The following EFCAB13 variants were observed in gnomAD, a reference collection of about 807,000 sequenced individuals.
EFCAB13 encodes EF-hand calcium binding domain 13.
Under a neutral mutation model 110.2 loss-of-function variants are expected in EFCAB13, and 91 were observed. The ratio of observed to expected loss-of-function variants is 0.83; its 90% confidence interval spans 0.70 to 0.98. EFCAB13 has a LOEUF of 0.98. EFCAB13 is among the 50% of genes least tolerant of loss of function. The pLI, the probability that EFCAB13 is intolerant of heterozygous loss-of-function variation, is 0.00. For missense variants in EFCAB13, 968 were observed against 1,119.4 expected, an observed-to-expected ratio of 0.86 and a Z score of 1.93; for synonymous variants, 323 against 369.9, an observed-to-expected ratio of 0.87 and a Z score of 1.45.
intron 1 of EFCAB13, 145 bp from the exon 2 acceptor site, chr17:47,324,309 G>C (rs1598711068): frequency 6.5e-6 from 1 of 152,984 alleles, no homozygotes. Flanking sequence ...CTCAGAAATG[G>C]TGGTTGTTGT....
intron 5 of EFCAB13, chr17:47,339,796 AAAG>A (rs1461311426): frequency 1.3e-5 from 2 of 152,170 alleles, no homozygotes; most frequent in South Asian, 2.1e-4. Context: ...TGTTGATTAA[AAAG>A]AAGTTCAGCT....
intron 23 of EFCAB13, among the ~76,000 whole-genome samples, chr17:47,420,339 C>CCT (rs1420186092): frequency 2.0e-5 from 3 of 152,292 alleles, no homozygotes; most frequent in Non-Finnish European, 4.4e-5. Context: ...TCCCAAAGTG[C>CCT]CGAGATTGCA....
intron 23 of EFCAB13, among the ~76,000 whole-genome samples, chr17:47,421,424 A>C (rs1904703203): frequency 6.6e-6 from 1 of 152,016 alleles, no homozygotes; most frequent in South Asian, 2.1e-4. Flanking sequence ...AGATGCTTGA[A>C]GGCAGCATGC....
At chr17:47,425,398 CTG>C (rs1436600050) in intron 23 of EFCAB13, among the ~76,000 whole-genome samples, 1 of 152,156 alleles carries the variant, frequency 6.6e-6, no homozygotes, top group African/African-American at 2.4e-5. Flanking sequence ...TCCTCTCACT[CTG>C]TGTGTGATGA....
Position 47,404,008 on chromosome 17 carries a change from A to C in EFCAB13, c.2148A>C (p.Ser716=), listed in dbSNP as rs1022771512. 6.3e-7 allele frequency: 1 copy of C among 1,591,200 alleles called. No individual in the cohort carries two copies. Among genetic ancestry groups the C allele is most frequent in the African/African-American group, 1.4e-5 (1 of 73,430 alleles). ...AAGAGGTAGAGAAAATTCTTCAATCAGATTTTGTTTCTGGTAAGCATTTTA... is the reference window on the plus strand; with the variant it reads ...AAGAGGTAGAGAAAATTCTTCAATCCGATTTTGTTTCTGGTAAGCATTTTA... The part of the protein sequence containing the change: ...PKEEVEKILQ[S]DFVSEDNMVN... Residue 716 remains serine (S), a synonymous_variant, in exon 19 of 25, where the codon TCA becomes TCC. Transcript: ENST00000331493.
intron 3 of EFCAB13, 152 bp from the exon 4 acceptor site, chr17:47,328,117 T>G (rs1273233166): frequency 2.0e-6 from 1 of 499,564 alleles, no homozygotes. Flanking sequence ...AACTGCTTTT[T>G]CTAGTGTTTG....
At chr17:47,346,993 T>C (rs1207753108) in intron 8 of EFCAB13, among the ~76,000 whole-genome samples, 1 of 152,228 alleles carries the variant, frequency 6.6e-6, no homozygotes, top group Non-Finnish European at 1.5e-5. Flanking sequence ...GTGAGGTGGC[T>C]CATGCCTGTA....
intron 11 of EFCAB13, among the ~76,000 whole-genome samples, chr17:47,373,762 A>C (rs2065598372): frequency 6.6e-6 from 1 of 152,198 alleles, no homozygotes; most frequent in South Asian, 2.1e-4. Context: ...TTCAATTGTT[A>C]ATTCTCATAG....
intron 14 of EFCAB13, among the ~76,000 whole-genome samples, chr17:47,385,049 G>T (rs1406353235): frequency 6.6e-6 from 1 of 152,188 alleles, no homozygotes; most frequent in Non-Finnish European, 1.5e-5. Flanking sequence ...GGAATTACAG[G>T]CGTGAGCCAC....
intron 17 of EFCAB13, among the ~76,000 whole-genome samples, chr17:47,397,849 A>G (rs1184993661): frequency 2.8e-5 from 4 of 143,776 alleles, no homozygotes; most frequent in Non-Finnish European, 6.1e-5. Context: ...GAGCCCCTCC[A>G]CCCGGCAGTC....
At chr17:47,336,437 G>C (rs1471087560) in intron 5 of EFCAB13, among the ~76,000 whole-genome samples, 1 of 151,778 alleles carries the variant, frequency 6.6e-6, no homozygotes, top group African/African-American at 2.4e-5. Context: ...GATTATAGGC[G>C]ACCACCACCA....
At chr17:47,337,663 G>A (rs1195103389) in intron 5 of EFCAB13, among the ~76,000 whole-genome samples, 3 of 152,120 alleles carry the variant, frequency 2.0e-5, no homozygotes, top group Non-Finnish European at 4.4e-5. Flanking sequence ...TTAGGCCCAG[G>A]TTGAGGACTG....
At chr17:47,359,017 A>G (rs2065495516) in intron 9 of EFCAB13, among the ~76,000 whole-genome samples, 1 of 152,130 alleles carries the variant, frequency 6.6e-6, no homozygotes, top group Non-Finnish European at 1.5e-5. Context: ...TTCCTCTGCT[A>G]TTTTTGTTCA....
At chr17:47,350,861 C>T (rs2065445725) in intron 9 of EFCAB13, among the ~76,000 whole-genome samples, 1 of 152,062 alleles carries the variant, frequency 6.6e-6, no homozygotes, top group Non-Finnish European at 1.5e-5. Context: ...TTCTTCTCTT[C>T]CTCCATTAGG....
chr17:47,366,394 C>T (rs2065546342), intron 10 of EFCAB13, among the ~76,000 whole-genome samples: 1 of 151,016 alleles, frequency 6.6e-6, no homozygotes, highest in African/African-American at 2.4e-5. Flanking sequence ...GCAGTTTTTG[C>T]TAGAGGAGGC....
At position 47,398,244 on chromosome 17, in the gene EFCAB13, G is replaced by T. The variant is rs1448218169; in HGVS notation, c.1945+2267G>T. Among the ~76,000 whole-genome samples the T allele has an allele frequency of 9.0e-5, 13 of 144,026 alleles. 1 individual carries two copies. Among genetic ancestry groups the T allele is most frequent in the African/African-American group, 2.8e-4 (11 of 39,304 alleles). 94.5% of individuals were successfully genotyped at this position (144,026 alleles called of 152,430 possible). On this transcript the variant is annotated intron_variant, in intron 17 of 24. Coordinates refer to ENST00000331493, the MANE Select transcript of EFCAB13 (RefSeq NM_152347.5). Reference sequence around the variant, plus strand: ...CCCCGTCCGGGAGGGAGGTGGGGGGGTCAGCCCCCCGCCCGGCCAGCCACC... The same window carrying T: ...CCCCGTCCGGGAGGGAGGTGGGGGGTTCAGCCCCCCGCCCGGCCAGCCACC...
intron 10 of EFCAB13, 97 bp downstream of exon 10, chr17:47,361,618 C>G: frequency 1.0e-6 from 1 of 999,786 alleles, no homozygotes. Context: ...TCCTTTGCTT[C>G]TCCTTTTTTC....
intron 10 of EFCAB13, among the ~76,000 whole-genome samples, chr17:47,362,732 G>A (rs2065522509): frequency 6.6e-6 from 1 of 152,196 alleles, no homozygotes; most frequent in Non-Finnish European, 1.5e-5. Context: ...ACTAAAAGCA[G>A]AAATAATGGC....
intron 23 of EFCAB13, among the ~76,000 whole-genome samples, chr17:47,424,148 C>G (rs112584090): frequency 6.6e-6 from 1 of 152,138 alleles, no homozygotes; most frequent in Non-Finnish European, 1.5e-5. Context: ...ACGGGCTGCT[C>G]GGCGCCGCCG....
Sources: gnomAD v4.1 joint callset for allele counts (sites outside exome capture counted in the v4.1 genomes callset) on GRCh38, gnomAD v4.1.1 for gene constraint, MANE v1.5 for transcripts, NCBI Gene and HGNC (gene_info 2026-07-23, HGNC 2026-07-21) for gene names.